Variants in RTN4 observed in about 807,000 individuals in gnomAD.
RTN4 encodes the protein reticulon-4.
Under a neutral mutation model 90.4 loss-of-function variants are expected in RTN4, and 32 were observed. The ratio of observed to expected loss-of-function variants is 0.35; its 90% confidence interval spans 0.27 to 0.48. RTN4 has a LOEUF of 0.48. Ranked by LOEUF, RTN4 falls within the 20% of genes least tolerant of loss-of-function variation. The pLI is 0.99. For missense variants in RTN4, 1,706 were observed against 1,430.2 expected, an observed-to-expected ratio of 1.19 and a Z score of -3.11; for synonymous variants, 629 against 552.5, an observed-to-expected ratio of 1.14 and a Z score of -1.94.
chr2:55,042,062 T>G (rs887442790), intron 1 of RTN4, among the ~76,000 whole-genome samples: 1 of 152,034 alleles, frequency 6.6e-6, no homozygotes, highest in East Asian at 1.9e-4. Context: ...CAGAAAAAAT[T>G]TGACACCTAA....
At chr2:55,120,596 T>A in the RTN4 span, among the ~76,000 whole-genome samples, 1 of 152,066 alleles carries the variant, frequency 6.6e-6, no homozygotes, top group Non-Finnish European at 1.5e-5. Context: ...TTTAAATAAA[T>A]GTCCAAATGA....
In RTN4 at chr2:54,982,687, T is replaced by C. The variant is rs188220648; in HGVS notation, c.3222-34A>G. ...CAAAACACATCATAATTGTCACTAA[T>C]TGGAGTGATTTTCCCCTAAATGTCA... is the stretch of plus-strand genomic sequence containing the variant. On this transcript the variant is annotated intron_variant, in intron 4 of 8. Coordinates refer to ENST00000337526, the MANE Select transcript of RTN4 (RefSeq NM_020532.5). 3.5e-5 allele frequency: 55 copies of C among 1,567,830 alleles called. No homozygotes were observed. The Admixed American group carries it at 6.3e-4, about 18-fold the overall frequency.
chr2:55,122,963 C>G, the RTN4 span, among the ~76,000 whole-genome samples: 1 of 152,216 alleles, frequency 6.6e-6, no homozygotes, highest in Non-Finnish European at 1.5e-5. Context: ...TAAAGCATAT[C>G]AATCAGAGTT....
chr2:54,981,936 C>T (rs1213453156), intron 5 of RTN4, among the ~76,000 whole-genome samples: 5 of 151,396 alleles, frequency 3.3e-5, no homozygotes, highest in Admixed American at 1.3e-4. Context: ...TTATGATTTC[C>T]GAAAGTATTA....
chr2:55,090,007 G>C (rs1246135706), intron 1 of RTN4, among the ~76,000 whole-genome samples: 1 of 152,198 alleles, frequency 6.6e-6, no homozygotes, highest in Non-Finnish European at 1.5e-5. Flanking sequence ...AGTTGAGAAA[G>C]GCTTACTTTT....
chr2:55,129,122 G>GAAAAAAAAAAAAAAAAA, the RTN4 span, among the ~76,000 whole-genome samples: 1 of 112,152 alleles, frequency 8.9e-6, no homozygotes, highest in Non-Finnish European at 1.9e-5. Flanking sequence ...AAAAAAAAAA[G>GAAAAAAAAAAAAAAAAA]AAAAAAAAAA....
At chr2:55,057,070 A>G (rs536262558) in intron 2 of RTN4, among the ~76,000 whole-genome samples, 26 of 152,342 alleles carry the variant, frequency 1.7e-4, no homozygotes, top group African/African-American at 6.3e-4. Context: ...TAATTTTTCA[A>G]TGGTTCATGC....
intron 3 of RTN4, among the ~76,000 whole-genome samples, chr2:55,005,807 C>G (rs566682333): frequency 1.8e-4 from 28 of 152,118 alleles, no homozygotes; most frequent in Non-Finnish European, 1.5e-4. Context: ...ACATGTTATA[C>G]CCATAGGCTG....
At chr2:55,055,378 G>T (rs570937351), upstream of RTN4, among the ~76,000 whole-genome samples, 1 of 151,986 alleles carries the variant, frequency 6.6e-6, no homozygotes. Context: ...AATACTTAAA[G>T]GTTGAAGTGT....
intron 2 of RTN4, among the ~76,000 whole-genome samples, chr2:55,077,641 A>C (rs946014249): frequency 5.3e-5 from 8 of 152,096 alleles, no homozygotes; most frequent in Admixed American, 1.3e-4. Context: ...AAAAGAAGTC[A>C]TTATATGAAA....
intron 2 of RTN4, among the ~76,000 whole-genome samples, chr2:55,066,219 GTGTA>G (rs1558865122): frequency 1.4e-5 from 2 of 144,456 alleles, no homozygotes; most frequent in East Asian, 2.1e-4. Flanking sequence ...GTGTGTGTGT[GTGTA>G]TGTTTTAATA....
At position 55,081,862 on chromosome 2, in the gene RTN4, CA is replaced by C. The variant is rs71410421; in HGVS notation, c.-213-1224del. ...TCGGCAACAGAGCCAGACCCTGTCT[CA>C]AAAAAAAAAAAAAAAAAATGAGTGA... On this transcript the variant is annotated intron_variant, in intron 1 of 3. Transcript: ENST00000427710. Among the ~76,000 whole-genome samples the C allele has an allele frequency of 3.7e-3, 386 of 105,400 alleles. 1 individual carries two copies. Among genetic ancestry groups the C allele is most frequent in the Middle Eastern group, 0.023 (4 of 172 alleles). 69.1% of individuals were successfully genotyped at this position (105,400 alleles called of 152,430 possible). A position where few individuals can be genotyped will look rare whatever the true frequency, so the allele number is the denominator to read the frequency against.
At chr2:55,040,792 TAA>T (rs1050824314) in intron 1 of RTN4, among the ~76,000 whole-genome samples, 1 of 144,092 alleles carries the variant, frequency 6.9e-6, no homozygotes. Flanking sequence ...TAGGCCTAGT[TAA>T]AAAAAAAAAG....
rs367599103 is a variant in RTN4, at chr2:55,026,460, G to C, written c.1639C>G (p.Pro547Ala). The change falls in exon 3 of 9, where the codon CCT (proline) becomes GCT (alanine). Residue 547 changes from proline (P) to alanine (A), a missense_variant. Physicochemically the swap from Pro to Ala is conservative, Grantham distance 27 (BLOSUM62 -1). Transcript: ENST00000337526. ...ACTAAATCTGGAGTCAGGCCTTCAG[G>C]CATGTTTGCCACGACTTCCTCAGTC... is the stretch of plus-strand genomic sequence containing the variant. ...KVTEEVVANM[P>A]EGLTPDLVQE... 5 of 1,613,872 alleles carry C rather than the reference G, an allele frequency of 3.1e-6. No homozygotes were observed. In the African/African-American group the frequency reaches 6.7e-5, roughly 22 times the overall value.
chr2:55,024,354 T>C (rs909828003), intron 3 of RTN4, among the ~76,000 whole-genome samples: 1 of 152,198 alleles, frequency 6.6e-6, no homozygotes, highest in African/African-American at 2.4e-5. Context: ...TGAGCTGGAC[T>C]GTACTGCTGA....
intron 1 of RTN4, among the ~76,000 whole-genome samples, chr2:55,029,854 G>A (rs1484437620): frequency 6.6e-6 from 1 of 152,106 alleles, no homozygotes; most frequent in Non-Finnish European, 1.5e-5. Flanking sequence ...GCATATATAT[G>A]TGTACACATA....
chr2:55,002,232 A>T (rs1484305889), intron 3 of RTN4, among the ~76,000 whole-genome samples: 1 of 151,634 alleles, frequency 6.6e-6, no homozygotes, highest in Non-Finnish European at 1.5e-5. Context: ...CTAATTTTTT[A>T]AAATTTTGTA....
intron 1 of RTN4, among the ~76,000 whole-genome samples, chr2:55,108,871 C>G (rs1468373064): frequency 6.6e-6 from 1 of 152,120 alleles, no homozygotes; most frequent in African/African-American, 2.4e-5. Context: ...GAGCTCTTCA[C>G]AGCCATATTC....
At chr2:55,005,697 T>C (rs997071558) in intron 3 of RTN4, among the ~76,000 whole-genome samples, 43 of 152,284 alleles carry the variant, frequency 2.8e-4, no homozygotes, top group African/African-American at 1.0e-3. Flanking sequence ...CTAGAATATG[T>C]TGGAATATTT....
Sources: allele counts gnomAD v4.1 joint callset (sites outside exome capture counted in the v4.1 genomes callset), GRCh38; gene constraint gnomAD v4.1.1; transcripts MANE v1.5; gene names NCBI Gene and HGNC (gene_info 2026-07-23, HGNC 2026-07-21).